NR6A1: variants seen among roughly 807,000 people sequenced by gnomAD.
NR6A1 encodes the protein retinoic acid receptor-related testis-associated receptor.
In NR6A1, 7 loss-of-function variants were observed where a neutral mutation model predicts 59.1. The ratio of observed to expected loss-of-function variants is 0.12; its 90% CI spans 0.07 to 0.22. The LOEUF (loss-of-function observed/expected upper bound fraction) is 0.22, where lower values mean the gene tolerates loss of function less well. NR6A1 is among the 10% of genes least tolerant of loss of function. The pLI is 1.00. For synonymous variants in NR6A1, 243 were observed against 236.1 expected (o/e 1.03, Z -0.27); for missense variants, 468 against 611.6 (o/e 0.77, Z 2.48).
intron 2 of NR6A1, among the ~76,000 whole-genome samples, chr9:124,604,827 T>C (rs1425696374): frequency 6.6e-6 from 1 of 151,932 alleles, no homozygotes; most frequent in Non-Finnish European, 1.5e-5. Context: ...AAAAAAATAA[T>C]TTTTAAAATG....
intron 2 of NR6A1, among the ~76,000 whole-genome samples, chr9:124,580,986 T>C (rs571828233): frequency 2.0e-4 from 30 of 152,224 alleles, no homozygotes; most frequent in South Asian, 6.2e-4. Flanking sequence ...TAAGACTGCA[T>C]GCCTACAGCC....
In NR6A1 at chr9:124,593,551, A is replaced by G. The variant is rs374438819; in HGVS notation, c.143-38981T>C. On this transcript the variant is annotated intron_variant, in intron 2 of 9. Coordinates refer to ENST00000487099, the MANE Select transcript of NR6A1 (RefSeq NM_033334.4). ...CAGTATTAGCATGAGGACAAAAGGC[A>G]TTTAAAAATCAATTTGGAGTTATTT... is the stretch of plus-strand genomic sequence containing the variant. 1.3e-3 allele frequency among the ~76,000 whole-genome samples: 192 copies of G among 152,248 alleles called. 1 individual carries two copies. Among genetic ancestry groups the G allele is most frequent in the Non-Finnish European group, 2.2e-3 (151 of 68,034 alleles).
chr9:124,734,628 G>A (rs1329420168), intron 1 of NR6A1, among the ~76,000 whole-genome samples: 1 of 152,150 alleles, frequency 6.6e-6, no homozygotes, highest in African/African-American at 2.4e-5. Flanking sequence ...GGGAGGTGGA[G>A]GTTGCAGTGA....
intron 2 of NR6A1, among the ~76,000 whole-genome samples, chr9:124,657,884 C>A (rs190189196): frequency 6.6e-6 from 1 of 152,168 alleles, no homozygotes; most frequent in Non-Finnish European, 1.5e-5. Context: ...GTCCATCTAT[C>A]CAATTTTCAT....
chr9:124,725,743 G>A (rs2131107535), intron 2 of NR6A1, among the ~76,000 whole-genome samples: 1 of 152,268 alleles, frequency 6.6e-6, no homozygotes, highest in South Asian at 2.1e-4. Flanking sequence ...TTTGAGACCA[G>A]CCTGGAGAGC....
intron 2 of NR6A1, among the ~76,000 whole-genome samples, chr9:124,672,018 T>G (rs948423930): frequency 6.6e-6 from 1 of 152,234 alleles, no homozygotes; most frequent in African/African-American, 2.4e-5. Context: ...CATCTAGTTT[T>G]GTCTATTTTT....
chr9:124,721,108 C>T (rs1839550566), intron 2 of NR6A1, among the ~76,000 whole-genome samples: 2 of 152,200 alleles, frequency 1.3e-5, no homozygotes, highest in Non-Finnish European at 1.5e-5. Flanking sequence ...CCTTCTTAGT[C>T]ATTCATTAAA....
chr9:124,747,389 G>A (rs1564265818), intron 1 of NR6A1, among the ~76,000 whole-genome samples: 1 of 151,816 alleles, frequency 6.6e-6, no homozygotes, highest in Non-Finnish European at 1.5e-5. Flanking sequence ...TGTCCTCACA[G>A]GCAAGAAAGG....
intron 2 of NR6A1, among the ~76,000 whole-genome samples, chr9:124,666,173 T>A (rs898055224): frequency 6.6e-6 from 1 of 151,886 alleles, no homozygotes; most frequent in Non-Finnish European, 1.5e-5. Context: ...CTGGCAAATG[T>A]ATTCAGAGCA....
At chr9:124,542,029 G>A (rs1049008875) in intron 4 of NR6A1, among the ~76,000 whole-genome samples, 1 of 152,184 alleles carries the variant, frequency 6.6e-6, no homozygotes, top group African/African-American at 2.4e-5. Context: ...AGGAAAATGA[G>A]GAACTGCTGT....
At chr9:124,765,879 T>G (rs1434712853) in intron 1 of NR6A1, among the ~76,000 whole-genome samples, 2 of 152,228 alleles carry the variant, frequency 1.3e-5, no homozygotes, top group African/African-American at 4.8e-5. Flanking sequence ...CTCTTTTTCC[T>G]GTGGCTATTT....
At chr9:124,746,731 A>T (rs1004994589) in intron 1 of NR6A1, among the ~76,000 whole-genome samples, 1 of 152,252 alleles carries the variant, frequency 6.6e-6, no homozygotes, top group Non-Finnish European at 1.5e-5. Flanking sequence ...AATAGGACTA[A>T]GGGAGAAAAA....
chr9:124,760,050 A>C (rs1471213169), intron 1 of NR6A1, among the ~76,000 whole-genome samples: 2 of 150,704 alleles, frequency 1.3e-5, no homozygotes, highest in Non-Finnish European at 3.0e-5. Flanking sequence ...AAAAAAAAAA[A>C]AAAACAACCA....
chr9:124,769,254 A>T lies in NR6A1; in HGVS notation c.100+1766T>A, dbSNP rs1483721616. 3.4e-4 allele frequency among the ~76,000 whole-genome samples: 9 copies of T among 26,380 alleles called. No individual in the cohort carries two copies. In the African/African-American group the frequency reaches 3.4e-3, roughly 10 times the overall value. The allele number at this position is 26,380 out of a possible 152,430, so 17.3% of individuals were successfully genotyped here. A position where few individuals can be genotyped will look rare whatever the true frequency, so the allele number is the denominator to read the frequency against. On this transcript the variant is annotated intron_variant, in intron 1 of 9. Transcript: ENST00000487099. ...GCCATCATACATCATACACAAATTA[A>T]AAAAAAAAAAAAAAGAGCTCTGAAA... is the stretch of plus-strand genomic sequence containing the variant.
chr9:124,616,519 A>C (rs1296507854), intron 2 of NR6A1, among the ~76,000 whole-genome samples: 1 of 152,070 alleles, frequency 6.6e-6, no homozygotes, highest in Non-Finnish European at 1.5e-5. Context: ...ATAACATGAA[A>C]TCCAGATATC....
intron 3 of NR6A1, 69 bp from the exon 4 acceptor site, chr9:124,543,926 A>C: frequency 7.2e-7 from 1 of 1,393,634 alleles, no homozygotes; most frequent in Non-Finnish European, 1.0e-6. Flanking sequence ...ACAAAAAGAG[A>C]GTTTACTTGG....
intron 2 of NR6A1, among the ~76,000 whole-genome samples, chr9:124,634,967 T>G (rs1312084347): frequency 6.6e-6 from 1 of 152,202 alleles, no homozygotes; most frequent in Non-Finnish European, 1.5e-5. Context: ...GAGGGGTATA[T>G]TTGATACAAA....
chr9:124,769,522 T>C (rs1199334910), intron 1 of NR6A1, among the ~76,000 whole-genome samples: 2 of 152,230 alleles, frequency 1.3e-5, no homozygotes, highest in Admixed American at 1.3e-4. Context: ...ACCTGCCAGG[T>C]CACTGTCCTG....
At chr9:124,714,473 C>A (rs571573919) in intron 2 of NR6A1, among the ~76,000 whole-genome samples, 1 of 152,286 alleles carries the variant, frequency 6.6e-6, no homozygotes, top group South Asian at 2.1e-4. Context: ...AATTGAACTC[C>A]TTCCCCCTAA....
Sources: allele counts gnomAD v4.1 joint callset (sites outside exome capture counted in the v4.1 genomes callset), GRCh38; gene constraint gnomAD v4.1.1; transcripts MANE v1.5; gene names NCBI Gene and HGNC (gene_info 2026-07-23, HGNC 2026-07-21).